NEDD4L: variants seen among roughly 807,000 people sequenced by gnomAD.
The protein encoded by NEDD4L is NEDD4 like E3 ubiquitin protein ligase.
In NEDD4L, 54 loss-of-function variants were observed where a neutral mutation model predicts 148.9. That is an observed-to-expected ratio of 0.36 (90% CI 0.29 to 0.45). The LOEUF (loss-of-function observed/expected upper bound fraction) is 0.45. NEDD4L is among the 20% of genes least tolerant of loss of function. The pLI, the probability that NEDD4L is intolerant of heterozygous loss-of-function variation, is 1.00. For synonymous variants in NEDD4L, 433 were observed against 440.7 expected, an observed-to-expected ratio of 0.98 and a Z score of 0.22; for missense variants, 856 against 1,233.8, an observed-to-expected ratio of 0.69 and a Z score of 4.59.
chr18:58,165,462 A>G (rs888100246), intron 1 of NEDD4L, among the ~76,000 whole-genome samples: 6 of 152,168 alleles, frequency 3.9e-5, no homozygotes, highest in Non-Finnish European at 8.8e-5. Flanking sequence ...ACATTTATCT[A>G]GATGGTTTTT....
intron 1 of NEDD4L, chr18:58,046,728 A>G (rs924033816): frequency 1.3e-4 from 20 of 152,144 alleles, no homozygotes; most frequent in African/African-American, 4.8e-4. Context: ...GACTGGATTC[A>G]CTCCTGCATG....
chr18:58,340,902 TGTAA>T (rs932791190), intron 13 of NEDD4L, 132 bp from the exon 14 acceptor site: 45 of 855,098 alleles, frequency 5.3e-5, no homozygotes, highest in East Asian at 1.4e-4. Context: ...TCCAGACACT[TGTAA>T]GTGTTTTCTA....
At chr18:58,351,822 G>A (rs2145633782) in intron 18 of NEDD4L, among the ~76,000 whole-genome samples, 1 of 152,266 alleles carries the variant, frequency 6.6e-6, no homozygotes, top group African/African-American at 2.4e-5. Context: ...GCTTTCATTT[G>A]GTTCATGAAC....
intron 2 of NEDD4L, 151 bp from the exon 3 acceptor site, chr18:58,245,276 T>TTAG (rs1424441265): frequency 8.4e-6 from 4 of 474,786 alleles, no homozygotes; most frequent in Middle Eastern, 1.2e-3. Flanking sequence ...GTGTATTGAC[T>TTAG]TAGTAGATAT....
At chr18:58,105,232 G>A (rs978527628) in intron 1 of NEDD4L, among the ~76,000 whole-genome samples, 27 of 152,272 alleles carry the variant, frequency 1.8e-4, no homozygotes, top group Middle Eastern at 3.4e-3. Context: ...AAGGTATGAT[G>A]CCTGAAGCCC....
At chr18:58,101,197 A>T (rs962657987) in intron 1 of NEDD4L, among the ~76,000 whole-genome samples, 2 of 152,210 alleles carry the variant, frequency 1.3e-5, no homozygotes, top group African/African-American at 4.8e-5. Context: ...CTATCAGATG[A>T]AATTTCAGTA....
At chr18:58,229,307 A>G (rs1323526748) in intron 2 of NEDD4L, among the ~76,000 whole-genome samples, 1 of 152,174 alleles carries the variant, frequency 6.6e-6, no homozygotes, top group East Asian at 1.9e-4. Context: ...CTCATTTGTA[A>G]GGAGCCACGC....
intron 13 of NEDD4L, among the ~76,000 whole-genome samples, chr18:58,339,155 G>A (rs893342598): frequency 6.6e-6 from 1 of 152,138 alleles, no homozygotes; most frequent in Admixed American, 6.5e-5. Context: ...GAAGGGGCCT[G>A]GGAGAGGGGG....
Position 58,330,780 on chromosome 18 carries a change from T to C in NEDD4L, c.856T>C (p.Ser286Pro). 1 of 1,612,002 alleles carries C rather than the reference T, an allele frequency of 6.2e-7. No homozygotes were observed. Among genetic ancestry groups the C allele is most frequent in the Non-Finnish European group, 8.5e-7 (1 of 1,178,732 alleles). ...ISEEVNIAGD[S>P]LGLALPPPPA... ...AGAGGAAGTGAATATCGCTGGAGAC[T>C]CTCTCGGTCTGGCTCTGCCCCCACC... Residue 286 changes from serine (S) to proline (P), a missense_variant, in exon 11 of 31, where the codon TCT becomes CCT. Transcript: ENST00000400345.
At chr18:58,370,037 G>A (rs2075403) in intron 22 of NEDD4L, among the ~76,000 whole-genome samples, 41,245 of 152,006 alleles carry the variant, frequency 0.27, 5,807 homozygotes, top group Middle Eastern at 0.35. Flanking sequence ...CTGTCTACCC[G>A]CCCTGGCAAA....
chr18:58,215,339 A>C (rs1302942637), intron 2 of NEDD4L, among the ~76,000 whole-genome samples: 2 of 152,190 alleles, frequency 1.3e-5, no homozygotes, highest in African/African-American at 4.8e-5. Flanking sequence ...GACATTATGG[A>C]AGGTAAAAAC....
intron 1 of NEDD4L, among the ~76,000 whole-genome samples, chr18:58,100,761 G>A (rs1056137474): frequency 1.3e-5 from 2 of 152,122 alleles, no homozygotes; most frequent in African/African-American, 4.8e-5. Context: ...GGAGTGGGAG[G>A]CTCCTTTTAG....
chr18:58,130,413 A>T (rs2031896604), intron 1 of NEDD4L, among the ~76,000 whole-genome samples: 1 of 146,408 alleles, frequency 6.8e-6, no homozygotes, highest in South Asian at 2.2e-4. Context: ...GTTGACTGTG[A>T]TCTAGCGGAA....
intron 1 of NEDD4L, among the ~76,000 whole-genome samples, chr18:58,143,390 A>G (rs1320085327): frequency 6.6e-6 from 1 of 152,212 alleles, no homozygotes; most frequent in Non-Finnish European, 1.5e-5. Context: ...TGTCTGTAGT[A>G]TTCCTAGACA....
At chr18:58,284,594 C>T (rs889625828) in intron 5 of NEDD4L, among the ~76,000 whole-genome samples, 4 of 151,926 alleles carry the variant, frequency 2.6e-5, no homozygotes, top group Admixed American at 1.3e-4. Flanking sequence ...GTAGTGTCTT[C>T]GTTGCATGTG....
chr18:58,398,902 G>C lies in NEDD4L; in HGVS notation c.*2633G>C, dbSNP rs937979583. The C allele has an allele frequency of 2.0e-5, 3 of 152,258 alleles. No homozygotes were observed. Among genetic ancestry groups the C allele is most frequent in the African/African-American group, 7.2e-5 (3 of 41,448 alleles). The allele number at this position is 152,258 out of a possible 1,614,324, so 9.4% of individuals were successfully genotyped here. On this transcript the variant is annotated 3_prime_UTR_variant, in exon 31 of 31. Transcript: ENST00000400345. Reference sequence around the variant, plus strand: ...GCCCGGGGAGTAGCCCTGGGGGAGAGAGGGCAGTGTTGCCTATCCCAGAGG... The same window carrying C: ...GCCCGGGGAGTAGCCCTGGGGGAGACAGGGCAGTGTTGCCTATCCCAGAGG...
At chr18:58,120,418 A>G (rs1052225266) in intron 1 of NEDD4L, among the ~76,000 whole-genome samples, 2 of 152,224 alleles carry the variant, frequency 1.3e-5, no homozygotes, top group Non-Finnish European at 2.9e-5. Context: ...GAATGAGGTA[A>G]CAAAACATAA....
chr18:58,149,890 A>G (rs2034506344), intron 1 of NEDD4L, among the ~76,000 whole-genome samples: 4 of 152,226 alleles, frequency 2.6e-5, no homozygotes. Flanking sequence ...GAGGGAAAAA[A>G]TGGGTATCTG....
intron 6 of NEDD4L, 113 bp downstream of exon 6, chr18:58,316,145 T>A (rs1312137352): frequency 4.7e-6 from 4 of 848,950 alleles, no homozygotes; most frequent in Non-Finnish European, 3.9e-6. Flanking sequence ...AAGGCTGAAA[T>A]GAAGCACGTG....
Sources: gnomAD v4.1 joint callset for allele counts (sites outside exome capture counted in the v4.1 genomes callset) on GRCh38, gnomAD v4.1.1 for gene constraint, MANE v1.5 for transcripts, NCBI Gene and HGNC (gene_info 2026-07-23, HGNC 2026-07-21) for gene names.